SYNJ2: variants seen among roughly 807,000 people sequenced by gnomAD.
SYNJ2 encodes the protein synaptojanin 2.
SYNJ2 carries 116 observed loss-of-function variants against 141.3 expected under a neutral mutation model. The observed-to-expected ratio is 0.82, with a 90% CI of 0.71 to 0.96. The LOEUF (loss-of-function observed/expected upper bound fraction) is 0.96. SYNJ2 is among the 40% of genes least tolerant of loss of function. SYNJ2 has a pLI of 0.00. For synonymous variants in SYNJ2, 745 were observed against 777.7 expected, an observed-to-expected ratio of 0.96 and a Z score of 0.70; for missense variants, 1,873 against 1,934.8, an observed-to-expected ratio of 0.97 and a Z score of 0.60.
chr6:157,991,102 A>G (rs957167737), intron 1 of SYNJ2, among the ~76,000 whole-genome samples: 4 of 152,212 alleles, frequency 2.6e-5, no homozygotes, highest in Non-Finnish European at 5.9e-5. Flanking sequence ...TGTATCACAG[A>G]TGGAGACTGC....
chr6:158,051,172 C>A (rs927877572), intron 5 of SYNJ2, among the ~76,000 whole-genome samples: 4 of 152,158 alleles, frequency 2.6e-5, no homozygotes, highest in Non-Finnish European at 5.9e-5. Flanking sequence ...GCTCCTCAGC[C>A]CTGGCCTGCC....
At chr6:158,057,312 T>A (rs1780927278) in intron 6 of SYNJ2, among the ~76,000 whole-genome samples, 1 of 151,998 alleles carries the variant, frequency 6.6e-6, no homozygotes, top group Non-Finnish European at 1.5e-5. Flanking sequence ...CAGCGTCCCC[T>A]TACACCCTGG....
intron 1 of SYNJ2, chr6:158,002,408 G>A (rs1777897938): frequency 6.6e-6 from 1 of 152,370 alleles, no homozygotes; most frequent in Non-Finnish European, 1.5e-5. Flanking sequence ...GCGGCCCTGA[G>A]GTGGGAGGAG....
rs1384883553 is a variant in SYNJ2, at chr6:158,071,693, A to T, written c.2032A>T (p.Ser678Cys). 2 of 1,614,028 alleles carry T rather than the reference A, an allele frequency of 1.2e-6. No homozygotes were observed. The highest frequency in any genetic ancestry group is 1.6e-4 in the Middle Eastern group (1 of 6,084). Reference protein sequence around the residue: ...VGIRFQFHSTSFCFICSHLTA... With the variant: ...VGIRFQFHSTCFCFICSHLTA... Reference sequence around the variant, plus strand: ...CATCCGCTTCCAGTTCCACAGCACCAGCTTCTGCTTCATATGTAGTCACCT... The same window carrying T: ...CATCCGCTTCCAGTTCCACAGCACCTGCTTCTGCTTCATATGTAGTCACCT... The change falls in exon 15 of 27, where the codon AGC becomes TGC. Residue 678 changes from serine (S) to cysteine (C), a missense_variant. Physicochemically the swap from Ser to Cys is moderately radical, Grantham distance 112. Transcript: ENST00000355585. This position sits in a 1 kb window ranked among gnomAD's most constrained non-coding sequence, Gnocchi z 4.3.
At chr6:158,014,239 T>C (rs1245010633) in intron 1 of SYNJ2, among the ~76,000 whole-genome samples, 1 of 152,174 alleles carries the variant, frequency 6.6e-6, no homozygotes, top group Non-Finnish European at 1.5e-5. Context: ...ACCTCTATGG[T>C]GTTTGGTAGG....
rs1005928304 is a variant in SYNJ2 at position 158,097,730 on chromosome 6, T to C, written c.*1366T>C. The C allele has an allele frequency of 1.3e-5, 2 of 152,150 alleles. No individual in the cohort carries two copies. The highest frequency in any genetic ancestry group is 4.8e-5 in the African/African-American group (2 of 41,412). The allele number at this position is 152,150 out of a possible 1,614,324, so 9.4% of individuals were successfully genotyped here. A position where few individuals can be genotyped will look rare whatever the true frequency, so the allele number is the denominator to read the frequency against. On this transcript the variant is annotated 3_prime_UTR_variant, in exon 27 of 27. Transcript: ENST00000355585. ...CAATTAGACATCTGGAATTTCATAATTAGTTTTCATTGTCACTGTCAAGAT... is the reference window on the plus strand; with the variant it reads ...CAATTAGACATCTGGAATTTCATAACTAGTTTTCATTGTCACTGTCAAGAT...
rs1009498039 is a variant in SYNJ2, at chr6:158,038,426, G to A, written c.711+4746G>A. Among the ~76,000 whole-genome samples the A allele has an allele frequency of 1.1e-4, 17 of 152,324 alleles. 2 individuals carry two copies. In the South Asian group the frequency reaches 2.3e-3, roughly 20 times the overall value. On this transcript the variant is annotated intron_variant, in intron 4 of 26. Coordinates refer to ENST00000355585, the MANE Select transcript of SYNJ2 (RefSeq NM_003898.4). ...TAGAGAGCATAACTTAACCCATGGT[G>A]ACTTCGTTAACAAGAGATGCGTAGC...
chr6:158,046,252 G>A (rs1348728056), intron 5 of SYNJ2, among the ~76,000 whole-genome samples: 2 of 152,082 alleles, frequency 1.3e-5, no homozygotes, highest in African/African-American at 4.8e-5. Flanking sequence ...GGCCTCCATG[G>A]TTTCTTCAAA....
intron 5 of SYNJ2, among the ~76,000 whole-genome samples, chr6:158,045,193 TG>T (rs1208233371): frequency 1.4e-5 from 2 of 147,446 alleles, no homozygotes; most frequent in Non-Finnish European, 3.0e-5. Context: ...CTGCAACATC[TG>T]CCCCCCGAGT....
At position 158,055,111 on chromosome 6, in the gene SYNJ2, G is replaced by A. The variant is rs565023007; in HGVS notation, c.857+83G>A. The A allele has an allele frequency of 2.4e-4, 351 of 1,464,610 alleles. 1 individual carries two copies. Among genetic ancestry groups the A allele is most frequent in the African/African-American group, 1.5e-3 (109 of 71,822 alleles). The allele number at this position is 1,464,610 out of a possible 1,614,324, so 90.7% of individuals were successfully genotyped here. On this transcript the variant is annotated intron_variant, in intron 6 of 26. Coordinates refer to ENST00000355585, the MANE Select transcript of SYNJ2 (RefSeq NM_003898.4). Reference sequence around the variant, plus strand: ...CCATCAGACACAAGGGAGAGGGTGCGACGGGAAAGGGAGGACCCTGAACCC... The same window carrying A: ...CCATCAGACACAAGGGAGAGGGTGCAACGGGAAAGGGAGGACCCTGAACCC...
intron 4 of SYNJ2, among the ~76,000 whole-genome samples, chr6:158,042,241 C>T (rs1443905688): frequency 6.6e-6 from 1 of 152,236 alleles, no homozygotes; most frequent in African/African-American, 2.4e-5. Context: ...ACAGCATGTT[C>T]TTAACACATG....
chr6:158,034,179 C>T (rs1395394976), intron 4 of SYNJ2, among the ~76,000 whole-genome samples: 4 of 152,284 alleles, frequency 2.6e-5, no homozygotes, highest in African/African-American at 9.6e-5. Flanking sequence ...CCATCCGTTC[C>T]CCTAGAATAT....
rs1313175695 is a variant in SYNJ2, at chr6:158,071,813, A to T, written c.2133+19A>T. On this transcript the variant is annotated intron_variant, in intron 15 of 26. Transcript: ENST00000355585. This position sits in a 1 kb window ranked among gnomAD's most constrained non-coding sequence, Gnocchi z 4.3. ...CCCAATGGTGAGCGGCGCCGTGGGG[A>T]CAGCCAGCACCTCCCTGCTCAGCTC... The T allele has an allele frequency of 9.3e-6, 15 of 1,609,138 alleles. No individual in the cohort carries two copies. The highest frequency in any genetic ancestry group is 1.1e-5 in the Non-Finnish European group (13 of 1,178,650).
chr6:158,065,906 A>G (rs1414878826), intron 11 of SYNJ2, among the ~76,000 whole-genome samples: 4 of 152,182 alleles, frequency 2.6e-5, no homozygotes, highest in Non-Finnish European at 5.9e-5. Flanking sequence ...GAGGATGGAG[A>G]TGGTTCTGTG....
At chr6:158,037,924 C>A (rs926155500) in intron 4 of SYNJ2, among the ~76,000 whole-genome samples, 1 of 152,256 alleles carries the variant, frequency 6.6e-6, no homozygotes, top group Non-Finnish European at 1.5e-5. Flanking sequence ...TACAGACCAA[C>A]AAGCCCTACC....
At chr6:158,074,118 G>C (rs1024942220) in intron 15 of SYNJ2, among the ~76,000 whole-genome samples, 1 of 152,058 alleles carries the variant, frequency 6.6e-6, no homozygotes, top group African/African-American at 2.4e-5. Flanking sequence ...GGAGGAGCTA[G>C]AGAGAGATGG....
chr6:157,995,296 T>C (rs1015778614), intron 1 of SYNJ2, among the ~76,000 whole-genome samples: 1 of 152,152 alleles, frequency 6.6e-6, no homozygotes, highest in Non-Finnish European at 1.5e-5. Context: ...GCTGAGAGCG[T>C]CTCAGAATTT....
At chr6:158,038,180 TG>T (rs2128341247) in intron 4 of SYNJ2, among the ~76,000 whole-genome samples, 1 of 152,340 alleles carries the variant, frequency 6.6e-6, no homozygotes, top group South Asian at 2.1e-4. Context: ...TTGTCTGGGC[TG>T]GGGAGGGATT....
At chr6:158,067,561 G>T in intron 12 of SYNJ2, 1 of 985,324 alleles carries the variant, frequency 1.0e-6, no homozygotes, top group Non-Finnish European at 1.2e-6. Context: ...TGGTTTTTTT[G>T]TTTGTTTGTT....
Sources: allele counts gnomAD v4.1 joint callset (sites outside exome capture counted in the v4.1 genomes callset), GRCh38; gene constraint gnomAD v4.1.1; non-coding constraint Gnocchi (gnomAD v3.1); transcripts MANE v1.5; gene names NCBI Gene and HGNC (gene_info 2026-07-23, HGNC 2026-07-21).